PLOD1: variants seen among roughly 807,000 people sequenced by gnomAD.
The protein encoded by PLOD1 is procollagen-lysine,2-oxoglutarate 5-dioxygenase 1.
In PLOD1, 70 loss-of-function variants were observed where a neutral mutation model predicts 94.7. That is an observed-to-expected ratio of 0.74 (90% confidence interval 0.61 to 0.90). The LOEUF is 0.90. Among genes scored for constraint, PLOD1 ranks in the 40% least tolerant of loss-of-function variants. The pLI is 0.00. For synonymous variants in PLOD1, 417 were observed against 400.2 expected (o/e 1.04, Z -0.50); for missense variants, 905 against 972.7 (o/e 0.93, Z 0.93).
intron 2 of PLOD1, 54 bp from the exon 3 acceptor site, chr1:11,949,719 C>A: frequency 1.3e-6 from 2 of 1,597,150 alleles, no homozygotes; most frequent in Non-Finnish European, 1.7e-6. Context: ...CACGGCCAGC[C>A]CTGGAAAAAT....
chr1:11,940,454 C>G lies in PLOD1; in HGVS notation c.76+5599C>G, dbSNP rs143576732. On this transcript the variant is annotated intron_variant, in intron 1 of 18. Transcript: ENST00000196061. Reference sequence around the variant, plus strand: ...CCCCCCGCAGCTACCAAGGCAGGCACTGTGCCAAGCGCTTTACGGCATTGG... The same window carrying G: ...CCCCCCGCAGCTACCAAGGCAGGCAGTGTGCCAAGCGCTTTACGGCATTGG... 4.0e-3 allele frequency among the ~76,000 whole-genome samples: 613 copies of G among 152,336 alleles called. 8 individuals are homozygous for G. Among genetic ancestry groups the G allele is most frequent in the East Asian group, 0.028 (144 of 5,186 alleles).
rs559232378 is a variant in PLOD1, at chr1:11,964,200, C to T, written c.1228C>T (p.Arg410Trp). Residue 410 changes from arginine (R) to tryptophan (W), a missense_variant, in exon 12 of 19, where the codon CGG becomes TGG. Transcript: ENST00000196061. ...NKNVIAPLMT[R>W]HGRLWSNFWG... ...GAACGTCATTGCCCCGCTGATGACC[C>T]GGCATGGGAGGCTGTGGTCGAACTT... 7 of 1,613,448 alleles carry T rather than the reference C, an allele frequency of 4.3e-6. No homozygotes were observed. The African/African-American group carries it at 5.3e-5, about 12-fold the overall frequency.
chr1:11,969,020 ATTTTTT>A (rs936449431), intron 16 of PLOD1, among the ~76,000 whole-genome samples: 1 of 118,848 alleles, frequency 8.4e-6, no homozygotes, highest in Non-Finnish European at 1.7e-5. Flanking sequence ...ACCATGCCTA[ATTTTTT>A]TTTTTTTTTT....
intron 1 of PLOD1, chr1:11,944,775 C>T (rs1326690852): frequency 1.3e-6 from 1 of 789,708 alleles, no homozygotes; most frequent in Non-Finnish European, 1.7e-6. Context: ...AGCCCTCTGC[C>T]CTGGGGCCAG....
At chr1:11,935,003 T>C (rs757295180) in intron 1 of PLOD1, 148 bp downstream of exon 1, 32 of 1,067,508 alleles carry the variant, frequency 3.0e-5, no homozygotes, top group Non-Finnish European at 3.7e-5. Flanking sequence ...CGCTGGTGAC[T>C]TGAACAAATC....
intron 4 of PLOD1, among the ~76,000 whole-genome samples, chr1:11,950,859 T>C (rs934689180): frequency 5.9e-5 from 9 of 152,104 alleles, no homozygotes; most frequent in African/African-American, 2.2e-4. Context: ...AGTGGTGGGA[T>C]CTCAGCTCAC....
intron 15 of PLOD1, 40 bp from the exon 16 acceptor site, chr1:11,966,947 C>A: frequency 1.6e-6 from 2 of 1,216,124 alleles, no homozygotes; most frequent in Non-Finnish European, 2.5e-6. Flanking sequence ...TTCTGTGGTG[C>A]CACTGTGGAC....
At chr1:11,934,967 G>A in intron 1 of PLOD1, 112 bp downstream of exon 1, 3 of 1,311,824 alleles carry the variant, frequency 2.3e-6, no homozygotes, top group East Asian at 2.8e-5. Context: ...GAGGGAGTCT[G>A]GGTTCCGGCT....
At position 11,966,988 on chromosome 1, in the gene PLOD1, C is replaced by T. The variant is rs1347321633; in HGVS notation, c.1652C>T (p.Pro551Leu). The T allele has an allele frequency of 2.5e-6, 4 of 1,606,704 alleles. No individual in the cohort carries two copies. Among genetic ancestry groups the T allele is most frequent in the Admixed American group, 1.7e-5 (1 of 59,988 alleles). ...TGACTGAGTCCCTGCCCTCCCCAGC[C>T]CTGCCCGGATGTCTATTGGTTCCCC... ...KALAGKLVET[P>L]CPDVYWFPIF... The change falls in exon 16 of 19, where the codon CCC becomes CTC. Residue 551 changes from proline (P) to leucine (L), a missense_variant and splice_region_variant. By Grantham distance (98) the Pro-to-Leu change is moderately conservative. Coordinates refer to ENST00000196061, the MANE Select transcript of PLOD1 (RefSeq NM_000302.4).
chr1:11,954,608 C>G (rs1352815161), intron 5 of PLOD1: 1 of 765,382 alleles, frequency 1.3e-6, no homozygotes, highest in Admixed American at 1.7e-5. Context: ...CCTTCCAGTT[C>G]AGAGTCCCTG....
Position 11,957,440 on chromosome 1 carries a change from A to G in PLOD1, c.742-402A>G, listed in dbSNP as rs559543220. 6.6e-6 allele frequency among the ~76,000 whole-genome samples: 1 copy of G among 152,274 alleles called. No homozygotes were observed. Among genetic ancestry groups the G allele is most frequent in the South Asian group, 2.1e-4 (1 of 4,828 alleles). On this transcript the variant is annotated intron_variant, in intron 7 of 18. Coordinates refer to ENST00000196061, the MANE Select transcript of PLOD1 (RefSeq NM_000302.4). The surrounding 1 kb of genome is among the most constrained non-coding windows in gnomAD (Gnocchi z 4.1). The stretch of plus-strand genomic sequence containing the variant: ...GCAGATGCGGCCAGGGACAGAATGG[A>G]CCTCACTGGTCCCTGGGGAACTGGC...
In PLOD1 at chr1:11,975,029, C is replaced by T; in HGVS notation, c.*221C>T. The T allele has an allele frequency of 1.6e-6, 1 of 611,024 alleles. No individual in the cohort carries two copies. Among genetic ancestry groups the T allele is most frequent in the South Asian group, 1.9e-5 (1 of 53,154 alleles). 37.9% of individuals were successfully genotyped at this position (611,024 alleles called of 1,614,324 possible). A position where few individuals can be genotyped will look rare whatever the true frequency, so the allele number is the denominator to read the frequency against. Reference sequence around the variant, plus strand: ...GCTCTCCGTGGTGTTCTGGACCCAGCCCCTGGAGACACCATTCACTTTTAC... The same window carrying T: ...GCTCTCCGTGGTGTTCTGGACCCAGTCCCTGGAGACACCATTCACTTTTAC... On this transcript the variant is annotated 3_prime_UTR_variant, in exon 19 of 19. Coordinates refer to ENST00000196061, the MANE Select transcript of PLOD1 (RefSeq NM_000302.4).
chr1:11,944,803 C>A, intron 1 of PLOD1: 1 of 523,736 alleles, frequency 1.9e-6, no homozygotes, highest in Non-Finnish European at 3.0e-6. Flanking sequence ...CCCCGGCTAC[C>A]CCTGCCCCAG....
Position 11,975,265 on chromosome 1 carries a change from C to T in PLOD1, c.*457C>T. The T allele has an allele frequency of 3.6e-6, 1 of 274,072 alleles. No homozygotes were observed. Among genetic ancestry groups the T allele is most frequent in the South Asian group, 4.0e-5 (1 of 25,178 alleles). The allele number at this position is 274,072 out of a possible 1,614,324, so 17.0% of individuals were successfully genotyped here. On this transcript the variant is annotated 3_prime_UTR_variant, in exon 19 of 19. Coordinates refer to ENST00000196061, the MANE Select transcript of PLOD1 (RefSeq NM_000302.4). ...TGCTTCAAGTTTTGGGGTAAAGACACCTGGATCAGACTCCAAGGGCTGCCC... is the reference window on the plus strand; with the variant it reads ...TGCTTCAAGTTTTGGGGTAAAGACATCTGGATCAGACTCCAAGGGCTGCCC...
intron 15 of PLOD1, 93 bp from the exon 16 acceptor site, chr1:11,966,894 G>A: frequency 4.8e-6 from 4 of 829,436 alleles, no homozygotes; most frequent in African/African-American, 1.7e-5. Context: ...GACACTGGGA[G>A]GGCTCCCTGG....
At chr1:11,969,020 ATTTTT>A (rs936449431) in intron 16 of PLOD1, among the ~76,000 whole-genome samples, 1 of 118,848 alleles carries the variant, frequency 8.4e-6, no homozygotes, top group African/African-American at 3.4e-5. Context: ...ACCATGCCTA[ATTTTT>A]TTTTTTTTTT....
In PLOD1 at chr1:11,957,873, C is replaced by T. The variant is rs766692124; in HGVS notation, c.773C>T (p.Pro258Leu). The change falls in exon 8 of 19, where the codon CCG becomes CTG. Residue 258 changes from proline (P) to leucine (L), a missense_variant. Transcript: ENST00000196061. The surrounding 1 kb of genome is among the most constrained non-coding windows in gnomAD (Gnocchi z 4.1). Reference sequence around the variant, plus strand: ...TTGAACTACCTGGGCAACTACATCCCGCGCTTCTGGACCTTCGAAACAGGC... The same window carrying T: ...TTGAACTACCTGGGCAACTACATCCTGCGCTTCTGGACCTTCGAAACAGGC... Reference protein sequence around the residue: ...LQLNYLGNYIPRFWTFETGCT... With the variant: ...LQLNYLGNYILRFWTFETGCT... 19 of 1,613,976 alleles carry T rather than the reference C, an allele frequency of 1.2e-5. No individual in the cohort carries two copies. The highest frequency in any genetic ancestry group is 1.6e-4 in the Middle Eastern group (1 of 6,082).
chr1:11,945,591 C>T (rs1044149277), intron 1 of PLOD1, among the ~76,000 whole-genome samples: 2 of 152,090 alleles, frequency 1.3e-5, no homozygotes, highest in Non-Finnish European at 2.9e-5. Flanking sequence ...TGGAGGAGGG[C>T]CTGCATGATG....
At position 11,950,407 on chromosome 1, in the gene PLOD1, G is replaced by A. The variant is rs781455578; in HGVS notation, c.353G>A (p.Arg118Gln). 13 of 1,613,984 alleles carry A rather than the reference G, an allele frequency of 8.1e-6. No individual in the cohort carries two copies. Among genetic ancestry groups the A allele is most frequent in the African/African-American group, 2.7e-5 (2 of 74,930 alleles). Residue 118 changes from arginine (R) to glutamine (Q), a missense_variant, in exon 4 of 19, where the codon CGG (arginine) becomes CAG (glutamine). Arg to Gln is a conservative substitution (Grantham distance 43, BLOSUM62 1). Transcript: ENST00000196061. The part of the protein sequence containing the change: ...SGPRELLKKF[R>Q]QARSQVVFSA... ...CCCCGGGAGCTCCTGAAGAAGTTCCGGCAGGCCAGGAGCCAGGTGGTCTTC... is the reference window on the plus strand; with the variant it reads ...CCCCGGGAGCTCCTGAAGAAGTTCCAGCAGGCCAGGAGCCAGGTGGTCTTC...
Sources: gnomAD v4.1 joint callset for allele counts (sites outside exome capture counted in the v4.1 genomes callset) on GRCh38, gnomAD v4.1.1 for gene constraint, Gnocchi (gnomAD v3.1) non-coding constraint, MANE v1.5 for transcripts, NCBI Gene and HGNC (gene_info 2026-07-23, HGNC 2026-07-21) for gene names.